ABCC1: variants seen among roughly 807,000 people sequenced by gnomAD.
The protein encoded by ABCC1 is ATP binding cassette subfamily C member 1 (ABCC1 blood group), also known as multidrug resistance-associated protein 1.
In ABCC1, 83 loss-of-function variants were observed where a neutral mutation model predicts 172.9. The ratio of observed to expected loss-of-function variants is 0.48; its 90% confidence interval spans 0.40 to 0.58. ABCC1 has a LOEUF of 0.58. Among genes scored for constraint, ABCC1 ranks in the 20% least tolerant of loss-of-function variants. The pLI is 0.00. For synonymous variants in ABCC1, 937 were observed against 825.2 expected, an observed-to-expected ratio of 1.14 and a Z score of -2.32; for missense variants, 1,817 against 2,002.7, an observed-to-expected ratio of 0.91 and a Z score of 1.77.
At chr16:15,961,000 G>GTTTTTTT (rs745767540) in intron 1 of ABCC1, among the ~76,000 whole-genome samples, 1 of 107,684 alleles carries the variant, frequency 9.3e-6, no homozygotes, top group African/African-American at 3.4e-5. Flanking sequence ...TGAAACGCAG[G>GTTTTTTT]TTTTTTTTTT....
intron 1 of ABCC1, among the ~76,000 whole-genome samples, chr16:15,989,696 G>C (rs1314908917): frequency 2.0e-5 from 3 of 152,000 alleles, no homozygotes; most frequent in Non-Finnish European, 4.4e-5. Flanking sequence ...GGACGGTCCT[G>C]CCCCTGTGAC....
At chr16:16,032,992 C>T (rs769705036) in intron 5 of ABCC1, 117 bp from the exon 6 acceptor site, 35 of 969,408 alleles carry the variant, frequency 3.6e-5, no homozygotes, top group Admixed American at 2.7e-4. Context: ...GTGGAGCTGA[C>T]GCTAGTCCTC....
chr16:16,020,844 C>T (rs981178542), intron 5 of ABCC1, among the ~76,000 whole-genome samples: 3 of 152,154 alleles, frequency 2.0e-5, no homozygotes, highest in Non-Finnish European at 2.9e-5. Flanking sequence ...TCCTGGTGAA[C>T]TTGGTACTAT....
At chr16:15,961,004 T>G (rs1206093991) in intron 1 of ABCC1, among the ~76,000 whole-genome samples, 1 of 44,416 alleles carries the variant, frequency 2.3e-5, no homozygotes, top group Non-Finnish European at 5.0e-5. Flanking sequence ...ACGCAGGTTT[T>G]TTTTTTTTTT....
At chr16:16,011,691 A>T (rs981805258) in intron 3 of ABCC1, among the ~76,000 whole-genome samples, 1 of 151,516 alleles carries the variant, frequency 6.6e-6, no homozygotes, top group Non-Finnish European at 1.5e-5. Context: ...TCCCCCCGAG[A>T]TGGAGTTTCG....
intron 6 of ABCC1, 119 bp downstream of exon 6, chr16:16,033,289 A>C: frequency 9.9e-7 from 1 of 1,012,676 alleles, no homozygotes; most frequent in Non-Finnish European, 1.5e-6. Flanking sequence ...TCTTCTGCAG[A>C]GTTGTCTTGA....
intron 1 of ABCC1, among the ~76,000 whole-genome samples, chr16:16,005,625 C>G (rs539716703): frequency 6.6e-6 from 1 of 152,090 alleles, no homozygotes; most frequent in African/African-American, 2.4e-5. Flanking sequence ...GGATGACAGG[C>G]GTGAGCCACT....
At chr16:16,068,346 G>T (rs1435630108) in intron 13 of ABCC1, 44 bp downstream of exon 13, 1 of 1,606,576 alleles carries the variant, frequency 6.2e-7, no homozygotes, top group Non-Finnish European at 8.5e-7. Context: ...GGGCCTTGGG[G>T]TTCTAGGCCA....
In ABCC1 at chr16:16,045,395, C is replaced by CAAAA. The variant is rs34870561; in HGVS notation, c.1041-421_1041-418dup. On this transcript the variant is annotated intron_variant, in intron 8 of 30. Transcript: ENST00000399410. ...TTGGCGACAGAGCAAGACTTTGTCT[C>CAAAA]AAAAAAAAAAAAAAAAAAAAAAAGA... is the stretch of plus-strand genomic sequence containing the variant. Among the ~76,000 whole-genome samples, 224 of 64,636 alleles carry CAAAA rather than the reference C, an allele frequency of 3.5e-3. 5 individuals carry two copies. The highest frequency in any genetic ancestry group is 0.011 in the Middle Eastern group (1 of 92). The allele number at this position is 64,636 out of a possible 152,430, so 42.4% of individuals were successfully genotyped here. A position where few individuals can be genotyped will look rare whatever the true frequency, so the allele number is the denominator to read the frequency against.
intron 26 of ABCC1, among the ~76,000 whole-genome samples, chr16:16,130,199 G>A (rs1448514828): frequency 6.6e-6 from 1 of 152,240 alleles, no homozygotes; most frequent in African/African-American, 2.4e-5. Flanking sequence ...AGGATTGGAT[G>A]AGACACTGCG....
intron 11 of ABCC1, among the ~76,000 whole-genome samples, chr16:16,055,410 C>T (rs547890185): frequency 2.0e-5 from 3 of 151,462 alleles, no homozygotes; most frequent in East Asian, 2.0e-4. Context: ...ATTAGCCAGG[C>T]GTGGTGGCAG....
intron 1 of ABCC1, among the ~76,000 whole-genome samples, chr16:15,989,454 C>G (rs1367603427): frequency 2.0e-5 from 3 of 152,168 alleles, no homozygotes; most frequent in African/African-American, 4.8e-5. Flanking sequence ...ATGAAGGCCA[C>G]ATGCTGTCTC....
At chr16:16,037,276 G>A (rs45553431) in intron 7 of ABCC1, among the ~76,000 whole-genome samples, 4,760 of 152,180 alleles carry the variant, frequency 0.031, 244 homozygotes, top group African/African-American at 0.11. Flanking sequence ...AGCTGACCAC[G>A]TAAGTCTGTT....
chr16:15,999,673 C>T (rs2047181987), intron 1 of ABCC1, among the ~76,000 whole-genome samples: 1 of 148,718 alleles, frequency 6.7e-6, no homozygotes. Flanking sequence ...ACTGTGTTGC[C>T]CAGGCTGGTC....
chr16:16,034,373 T>C (rs1295828341), intron 6 of ABCC1, among the ~76,000 whole-genome samples: 1 of 152,106 alleles, frequency 6.6e-6, no homozygotes, highest in Non-Finnish European at 1.5e-5. Flanking sequence ...ATTAGATGTT[T>C]TAAATAATTT....
intron 1 of ABCC1, 67 bp from the exon 2 acceptor site, chr16:16,007,749 G>A (rs375059082): frequency 6.8e-7 from 1 of 1,471,542 alleles, no homozygotes; most frequent in East Asian, 2.4e-5. Flanking sequence ...CTGGTTTCAT[G>A]CTCCAGGCGA....
intron 12 of ABCC1, among the ~76,000 whole-genome samples, chr16:16,067,469 G>A (rs189524290): frequency 6.6e-6 from 1 of 152,172 alleles, no homozygotes; most frequent in East Asian, 1.9e-4. Flanking sequence ...CATCTGTTGA[G>A]TTTTACTGTG....
chr16:16,069,274 T>TG (rs1184621879), intron 13 of ABCC1, among the ~76,000 whole-genome samples: 1 of 151,872 alleles, frequency 6.6e-6, no homozygotes, highest in Non-Finnish European at 1.5e-5. Context: ...CTCAGAAGGC[T>TG]GGGGTGGGAG....
At chr16:16,077,294 G>C (rs2050613178) in intron 15 of ABCC1, among the ~76,000 whole-genome samples, 1 of 152,194 alleles carries the variant, frequency 6.6e-6, no homozygotes, top group South Asian at 2.1e-4. Context: ...ACAATCTGTA[G>C]AAGGCCTGCA....
Sources: allele counts gnomAD v4.1 joint callset (sites outside exome capture counted in the v4.1 genomes callset), GRCh38; gene constraint gnomAD v4.1.1; transcripts MANE v1.5; gene names NCBI Gene and HGNC (gene_info 2026-07-23, HGNC 2026-07-21).